Variants in DNAL1 observed in about 807,000 individuals in gnomAD.
The protein encoded by DNAL1 is chromosome 14 open reading frame 168.
DNAL1 carries 17 observed loss-of-function variants against 29.4 expected under a neutral mutation model. That is an observed-to-expected ratio of 0.58 (90% CI 0.40 to 0.87). The LOEUF (loss-of-function observed/expected upper bound fraction) is 0.87, where lower values mean the gene tolerates loss of function less well. DNAL1 is among the 40% of genes least tolerant of loss of function. DNAL1 has a pLI of 0.00. For synonymous variants in DNAL1, 78 were observed against 76.3 expected (o/e 1.02, Z -0.12); for missense variants, 188 against 214.1 (o/e 0.88, Z 0.76).
At chr14:73,679,163 A>AT (rs1018560564) in intron 5 of DNAL1, among the ~76,000 whole-genome samples, 4 of 151,970 alleles carry the variant, frequency 2.6e-5, no homozygotes, top group Non-Finnish European at 5.9e-5. Context: ...CACCCGGCTA[A>AT]TTTTTTTATT....
At position 73,698,355 on chromosome 14, in the gene DNAL1, T is replaced by C. The variant is rs1892349961; in HGVS notation, c.*2413T>C. On this transcript the variant is annotated 3_prime_UTR_variant, in exon 8 of 8. Coordinates refer to ENST00000553645, the MANE Select transcript of DNAL1 (RefSeq NM_031427.4). ...AAGAAATGTAGGATATTCTCTCAAA[T>C]CATTCCCTAAATTATCCTTTACTGC... 1 of 152,216 alleles carries C rather than the reference T, an allele frequency of 6.6e-6. No individual in the cohort carries two copies. The highest frequency in any genetic ancestry group is 6.5e-5 in the Admixed American group (1 of 15,270). 9.4% of individuals were successfully genotyped at this position (152,216 alleles called of 1,614,324 possible).
chr14:73,649,830 A>T (rs1891073079), intron 1 of DNAL1, among the ~76,000 whole-genome samples: 1 of 152,158 alleles, frequency 6.6e-6, no homozygotes, highest in Non-Finnish European at 1.5e-5. Flanking sequence ...GGATACTGAA[A>T]TCTATGGACA....
chr14:73,679,003 A>T (rs960174271), intron 5 of DNAL1, among the ~76,000 whole-genome samples: 125 of 152,008 alleles, frequency 8.2e-4, no homozygotes, highest in Non-Finnish European at 3.4e-4. Flanking sequence ...TTATTTATTT[A>T]TTTATTTTTT....
intron 3 of DNAL1, among the ~76,000 whole-genome samples, chr14:73,659,199 T>TC (rs1292254152): frequency 6.6e-6 from 1 of 151,090 alleles, no homozygotes; most frequent in Non-Finnish European, 1.5e-5. Context: ...TCTGGCTCTG[T>TC]CGCCCAGGCT....
intron 1 of DNAL1, among the ~76,000 whole-genome samples, chr14:73,645,803 C>T (rs1388038464): frequency 6.6e-6 from 1 of 152,204 alleles, no homozygotes; most frequent in Non-Finnish European, 1.5e-5. Context: ...TGCTCCTCAA[C>T]TCTTACTTGA....
At position 73,698,966 on chromosome 14, in the gene DNAL1, C is replaced by G. The variant is rs1892366456; in HGVS notation, c.*3024C>G. On this transcript the variant is annotated 3_prime_UTR_variant, in exon 8 of 8. Coordinates refer to ENST00000553645, the MANE Select transcript of DNAL1 (RefSeq NM_031427.4). ...TTAAACCAGAGGATCAACCTTGGAA[C>G]TATTAACATTTTGGGATTGATAATT... The G allele has an allele frequency of 6.6e-6, 1 of 152,158 alleles. No individual in the cohort carries two copies. Among genetic ancestry groups the G allele is most frequent in the South Asian group, 2.1e-4 (1 of 4,834 alleles). The allele number at this position is 152,158 out of a possible 1,614,324, so 9.4% of individuals were successfully genotyped here. A position where few individuals can be genotyped will look rare whatever the true frequency, so the allele number is the denominator to read the frequency against.
chr14:73,694,119 CTT>C (rs1294391584), intron 7 of DNAL1, among the ~76,000 whole-genome samples: 1 of 151,314 alleles, frequency 6.6e-6, no homozygotes, highest in Non-Finnish European at 1.5e-5. Context: ...AATGAAGGAA[CTT>C]TAAGCTGGGC....
intron 4 of DNAL1, among the ~76,000 whole-genome samples, chr14:73,668,325 C>G (rs1246246774): frequency 1.3e-5 from 2 of 151,668 alleles, no homozygotes; most frequent in Non-Finnish European, 1.5e-5. Context: ...ATTGCTGTTC[C>G]TGGTGTATAG....
Position 73,682,880 on chromosome 14 carries a change from T to A in DNAL1, c.265-4379T>A, listed in dbSNP as rs868419390. ...GCTGTTTTATAGTTATTTTTTTTTT[T>A]TTTTTTTTTTTTTTAGTTGGAGTTT... On this transcript the variant is annotated intron_variant, in intron 5 of 7. Coordinates refer to ENST00000553645, the MANE Select transcript of DNAL1 (RefSeq NM_031427.4). Among the ~76,000 whole-genome samples the A allele has an allele frequency of 2.0e-3, 291 of 149,096 alleles. 2 individuals carry two copies. Among genetic ancestry groups the A allele is most frequent in the African/African-American group, 4.8e-3 (196 of 40,764 alleles).
chr14:73,648,998 CAG>C (rs1457246576), intron 1 of DNAL1, among the ~76,000 whole-genome samples: 3 of 151,750 alleles, frequency 2.0e-5, no homozygotes, highest in African/African-American at 7.3e-5. Context: ...TTTTTTGAGA[CAG>C]AGTCTCACTC....
At chr14:73,649,084 T>C (rs1891051706) in intron 1 of DNAL1, among the ~76,000 whole-genome samples, 1 of 151,304 alleles carries the variant, frequency 6.6e-6, no homozygotes, top group Non-Finnish European at 1.5e-5. Flanking sequence ...CAAGCAATTC[T>C]CCTCGTCAGC....
chr14:73,661,080 C>A (rs1340672080), intron 3 of DNAL1, among the ~76,000 whole-genome samples: 1 of 152,062 alleles, frequency 6.6e-6, no homozygotes, highest in African/African-American at 2.4e-5. Flanking sequence ...ATGAAAATCG[C>A]TTGAACCTGG....
intron 7 of DNAL1, among the ~76,000 whole-genome samples, chr14:73,691,843 G>GCCC (rs1256450027): frequency 1.7e-4 from 17 of 98,434 alleles, no homozygotes; most frequent in African/African-American, 7.2e-4. Flanking sequence ...ACAGGCGTGC[G>GCCC]CCACCCCCCC....
intron 5 of DNAL1, among the ~76,000 whole-genome samples, chr14:73,679,228 T>C (rs990487421): frequency 6.6e-6 from 1 of 152,120 alleles, no homozygotes; most frequent in Non-Finnish European, 1.5e-5. Flanking sequence ...ACTCCTGACC[T>C]TGTGATCCGC....
chr14:73,661,193 A>G (rs1454192139), intron 3 of DNAL1, among the ~76,000 whole-genome samples: 2 of 151,934 alleles, frequency 1.3e-5, no homozygotes, highest in Admixed American at 6.6e-5. Flanking sequence ...GTTCTGCTAG[A>G]TGGTTTTTAA....
intron 2 of DNAL1, among the ~76,000 whole-genome samples, chr14:73,656,178 G>A (rs903387659): frequency 3.3e-5 from 5 of 151,928 alleles, no homozygotes; most frequent in Non-Finnish European, 5.9e-5. Context: ...ATAAAATAAT[G>A]AAATACTTGA....
intron 4 of DNAL1, among the ~76,000 whole-genome samples, chr14:73,666,905 G>C (rs960205134): frequency 6.7e-6 from 1 of 150,184 alleles, no homozygotes; most frequent in African/African-American, 2.4e-5. Flanking sequence ...CCAGTTTCAC[G>C]TCCATAACCT....
At chr14:73,651,574 C>T (rs955437654) in intron 1 of DNAL1, among the ~76,000 whole-genome samples, 1 of 152,130 alleles carries the variant, frequency 6.6e-6, no homozygotes, top group African/African-American at 2.4e-5. Flanking sequence ...ATTCTTATGA[C>T]AGTTTTGACA....
intron 5 of DNAL1, among the ~76,000 whole-genome samples, chr14:73,675,480 T>A (rs1259210387): frequency 1.2e-4 from 18 of 151,164 alleles, no homozygotes; most frequent in Admixed American, 1.2e-3. Flanking sequence ...AAAAAAAAAT[T>A]TTTTTTTTGT....
Sources: gnomAD v4.1 joint callset for allele counts (sites outside exome capture counted in the v4.1 genomes callset) on GRCh38, gnomAD v4.1.1 for gene constraint, MANE v1.5 for transcripts, NCBI Gene and HGNC (gene_info 2026-07-23, HGNC 2026-07-21) for gene names.